PPIL4: variants seen among roughly 807,000 people sequenced by gnomAD.
PPIL4 encodes peptidyl-prolyl cis-trans isomerase-like 4.
In PPIL4, 50 loss-of-function variants were observed where a neutral mutation model predicts 69.1. The observed-to-expected ratio is 0.72, with a 90% CI of 0.58 to 0.92. The LOEUF is 0.92. PPIL4 is among the 40% of genes least tolerant of loss of function. The pLI, the probability that PPIL4 is intolerant of heterozygous loss-of-function variation, is 0.00. For missense variants in PPIL4, 480 were observed against 587.9 expected (o/e 0.82, Z 1.90); for synonymous variants, 193 against 191.6 (o/e 1.01, Z -0.06).
intron 1 of PPIL4, among the ~76,000 whole-genome samples, chr6:149,544,564 A>G (rs559718842): frequency 6.6e-6 from 1 of 152,320 alleles, no homozygotes; most frequent in East Asian, 1.9e-4. Flanking sequence ...GTTAAAATAA[A>G]ATGTGTCATG....
chr6:149,542,062 A>G (rs1458153847), intron 1 of PPIL4, among the ~76,000 whole-genome samples: 1 of 152,132 alleles, frequency 6.6e-6, no homozygotes, highest in African/African-American at 2.4e-5. Context: ...GTCTAGAAAA[A>G]AAACATTTTA....
intron 4 of PPIL4, among the ~76,000 whole-genome samples, chr6:149,540,699 A>G (rs1454719985): frequency 1.3e-5 from 2 of 152,196 alleles, no homozygotes; most frequent in Non-Finnish European, 2.9e-5. Context: ...CGGATGGTGG[A>G]GTTGTAGGTA....
At chr6:149,534,649 A>G (rs748982440) in intron 6 of PPIL4, 29 bp downstream of exon 6, 10 of 1,075,756 alleles carry the variant, frequency 9.3e-6, no homozygotes, top group Middle Eastern at 2.3e-4. Context: ...ATATGAATGT[A>G]CATTTAATCA....
chr6:149,521,244 CAA>C, intron 9 of PPIL4, 73 bp from the exon 10 acceptor site: 2 of 906,810 alleles, frequency 2.2e-6, no homozygotes, highest in South Asian at 2.8e-5. Context: ...ACTGAAAATA[CAA>C]AAAGTTTGTT....
chr6:149,534,629 C>A (rs1030442922), intron 6 of PPIL4, 49 bp downstream of exon 6: 3 of 955,620 alleles, frequency 3.1e-6, no homozygotes, highest in South Asian at 1.5e-5. Flanking sequence ...TAAATCCATA[C>A]AAATCATTAA....
chr6:149,541,702 A>C, intron 1 of PPIL4, 116 bp from the exon 2 acceptor site: 1 of 624,642 alleles, frequency 1.6e-6, no homozygotes, highest in Non-Finnish European at 2.8e-6. Flanking sequence ...AAAAAGTCAA[A>C]TGTCCAAAGC....
chr6:149,544,240 A>T (rs754805457), intron 1 of PPIL4, among the ~76,000 whole-genome samples: 1 of 152,154 alleles, frequency 6.6e-6, no homozygotes, highest in African/African-American at 2.4e-5. Flanking sequence ...AAAATTCCCT[A>T]TGATATTCTT....
At chr6:149,519,354 G>C (rs1262831210) in intron 10 of PPIL4, among the ~76,000 whole-genome samples, 2 of 152,096 alleles carry the variant, frequency 1.3e-5, no homozygotes, top group Non-Finnish European at 2.9e-5. Flanking sequence ...TGGAAGCAGA[G>C]CTCTACATAA....
In PPIL4 at chr6:149,505,279, T is replaced by C. The variant is rs1004554627; in HGVS notation, c.*174A>G. On this transcript the variant is annotated 3_prime_UTR_variant, in exon 13 of 13. Coordinates refer to ENST00000253329, the MANE Select transcript of PPIL4 (RefSeq NM_139126.4). The stretch of plus-strand genomic sequence containing the variant: ...AGTGTAAAAAAGTATACAAAGAAAA[T>C]GTTCAATTCTTTATCTTTCCGTGCT... The C allele has an allele frequency of 2.2e-5, 11 of 501,912 alleles. No homozygotes were observed. In the Admixed American group the frequency reaches 3.4e-4, roughly 16 times the overall value. The allele number at this position is 501,912 out of a possible 1,614,324, so 31.1% of individuals were successfully genotyped here. A position where few individuals can be genotyped will look rare whatever the true frequency, so the allele number is the denominator to read the frequency against.
chr6:149,508,586 C>G (rs61130259), intron 12 of PPIL4, among the ~76,000 whole-genome samples: 1,674 of 152,206 alleles, frequency 0.011, 38 homozygotes, highest in African/African-American at 0.039. Flanking sequence ...ATCTTAGTCA[C>G]CAAGATAACA....
chr6:149,533,627 G>T, intron 6 of PPIL4, 53 bp from the exon 7 acceptor site: 1 of 1,014,296 alleles, frequency 9.9e-7, no homozygotes. Context: ...AAAAATCTGA[G>T]AAACATAGAA....
At chr6:149,538,474 A>T (rs992743584) in intron 4 of PPIL4, among the ~76,000 whole-genome samples, 4 of 151,444 alleles carry the variant, frequency 2.6e-5, no homozygotes, top group East Asian at 1.9e-4. Context: ...AATAAAAATT[A>T]AAAAAAAATA....
intron 11 of PPIL4, among the ~76,000 whole-genome samples, chr6:149,516,369 T>C (rs140568533): frequency 1.3e-3 from 198 of 152,328 alleles, no homozygotes; most frequent in African/African-American, 4.5e-3. Flanking sequence ...CTCACAATGC[T>C]TTATACATTG....
At chr6:149,512,763 G>A (rs1776873367) in intron 11 of PPIL4, among the ~76,000 whole-genome samples, 1 of 151,796 alleles carries the variant, frequency 6.6e-6, no homozygotes, top group South Asian at 2.1e-4. Flanking sequence ...TTTTTTTTGA[G>A]ACGGAGTCTT....
chr6:149,520,939 G>A (rs2115031780), intron 10 of PPIL4, 121 bp downstream of exon 10: 3 of 599,158 alleles, frequency 5.0e-6, no homozygotes, highest in Middle Eastern at 4.6e-4. Flanking sequence ...CTTGAACCTG[G>A]GAGACACAGG....
chr6:149,534,844 A>C, intron 5 of PPIL4, 70 bp from the exon 6 acceptor site: 1 of 880,092 alleles, frequency 1.1e-6, no homozygotes, highest in Non-Finnish European at 1.7e-6. Context: ...ATTTTAATAG[A>C]TTACAAAAAA....
At chr6:149,540,375 G>A (rs1046481940) in intron 4 of PPIL4, among the ~76,000 whole-genome samples, 5 of 152,190 alleles carry the variant, frequency 3.3e-5, no homozygotes, top group Admixed American at 1.3e-4. Flanking sequence ...CCAGCACTTT[G>A]GGAGGCCAAG....
At chr6:149,511,157 A>T (rs1776835427) in intron 12 of PPIL4, among the ~76,000 whole-genome samples, 1 of 151,996 alleles carries the variant, frequency 6.6e-6, no homozygotes, top group Non-Finnish European at 1.5e-5. Flanking sequence ...GCCCACTGAA[A>T]TCCTTCTCAT....
In PPIL4 at chr6:149,504,545, G is replaced by A. The variant is rs1027463434; in HGVS notation, c.*908C>T. Among the ~76,000 whole-genome samples the A allele has an allele frequency of 2.0e-5, 3 of 152,036 alleles. No homozygotes were observed. Among genetic ancestry groups the A allele is most frequent in the Non-Finnish European group, 1.5e-5 (1 of 67,994 alleles). On this transcript the variant is annotated 3_prime_UTR_variant, in exon 13 of 13. Transcript: ENST00000253329. ...CCAGTGACAGAAAACCTTAAAAGCAGCCAGGAAAAAAATGACATCTTACAC... is the reference window on the plus strand; with the variant it reads ...CCAGTGACAGAAAACCTTAAAAGCAACCAGGAAAAAAATGACATCTTACAC...
Sources: allele counts gnomAD v4.1 joint callset (sites outside exome capture counted in the v4.1 genomes callset), GRCh38; gene constraint gnomAD v4.1.1; transcripts MANE v1.5; gene names NCBI Gene and HGNC (gene_info 2026-07-23, HGNC 2026-07-21).